The following NYAP2 variants were observed in gnomAD, a reference collection of about 807,000 sequenced individuals.
NYAP2 encodes the protein neuronal tyrosine-phosphorylated phosphoinositide-3-kinase adaptor 2, also known as neuronal tyrosine-phosphorylated phosphoinositide-3-kinase adapter 2.
In NYAP2, 23 loss-of-function variants were observed where a neutral mutation model predicts 50.4. The observed-to-expected ratio is 0.46, with a 90% confidence interval of 0.33 to 0.65. NYAP2 has a LOEUF of 0.65. NYAP2 is among the 30% of genes least tolerant of loss of function. The pLI is 0.02. For synonymous variants in NYAP2, 394 were observed against 365.2 expected, an observed-to-expected ratio of 1.08 and a Z score of -0.90; for missense variants, 885 against 861.0, an observed-to-expected ratio of 1.03 and a Z score of -0.35.
chr2:225,654,239 A>AGGAGTT (rs1693787960), downstream of NYAP2, among the ~76,000 whole-genome samples: 3 of 152,164 alleles, frequency 2.0e-5, no homozygotes, highest in African/African-American at 7.2e-5. Flanking sequence ...GGGAACACCT[A>AGGAGTT]GCACTATCAA....
rs546672646 is a variant in NYAP2 at position 225,586,707 on chromosome 2, G to A, written c.1618+3672G>A. ...TTGATTTGATTTTTTAGAAGATGTA[G>A]GTCACAAATGGGCCATTTCATTTTA... On this transcript the variant is annotated intron_variant, in intron 5 of 6. Coordinates refer to ENST00000636099, the Ensembl canonical transcript of NYAP2. Among the ~76,000 whole-genome samples, 135 of 152,138 alleles carry A rather than the reference G, an allele frequency of 8.9e-4. 2 individuals carry two copies. The South Asian group carries it at 0.026, about 29-fold the overall frequency.
At chr2:225,670,996 G>GTTTTT in the NYAP2 span, among the ~76,000 whole-genome samples, 3 of 152,130 alleles carry the variant, frequency 2.0e-5, no homozygotes, top group Non-Finnish European at 4.4e-5. Context: ...CAAGTCCTAT[G>GTTTTT]TTTTTGCCAG....
chr2:225,507,198 G>T (rs1690722676), intron 3 of NYAP2, among the ~76,000 whole-genome samples: 1 of 151,958 alleles, frequency 6.6e-6, no homozygotes, highest in Admixed American at 6.6e-5. Flanking sequence ...ATCTGGGGTG[G>T]GATTATATTT....
intron 3 of NYAP2, among the ~76,000 whole-genome samples, chr2:225,439,374 G>A (rs547990313): frequency 4.1e-4 from 63 of 152,314 alleles, no homozygotes; most frequent in African/African-American, 1.4e-3. Context: ...GTAGTAGAAC[G>A]TGAGTAAGAG....
At chr2:225,655,885 T>TACACACACACACAC (rs372646871), downstream of NYAP2, among the ~76,000 whole-genome samples, 2,136 of 121,106 alleles carry the variant, frequency 0.018, 68 homozygotes, top group Middle Eastern at 0.039. Flanking sequence ...CAACCTCCAC[T>TACACACACACACAC]ACACACACAC....
At chr2:225,552,161 A>G (rs769435794) in intron 4 of NYAP2, among the ~76,000 whole-genome samples, 1 of 152,052 alleles carries the variant, frequency 6.6e-6, no homozygotes, top group Non-Finnish European at 1.5e-5. Context: ...TCATTTGTCC[A>G]ATTTCATGGA....
At chr2:225,599,800 A>G (rs1692665383) in intron 5 of NYAP2, among the ~76,000 whole-genome samples, 1 of 152,264 alleles carries the variant, frequency 6.6e-6, no homozygotes, top group Non-Finnish European at 1.5e-5. Flanking sequence ...GATCTGTGTT[A>G]CTGCTTCATA....
chr2:225,550,034 AG>A (rs1467743653), intron 4 of NYAP2, among the ~76,000 whole-genome samples: 1 of 152,060 alleles, frequency 6.6e-6, no homozygotes, highest in Non-Finnish European at 1.5e-5. Flanking sequence ...AGAAAAAAAA[AG>A]AAAACAATCC....
intron 4 of NYAP2, among the ~76,000 whole-genome samples, chr2:225,538,759 TTTC>T (rs1339730252): frequency 2.9e-5 from 3 of 104,010 alleles, no homozygotes; most frequent in Non-Finnish European, 4.0e-5. Flanking sequence ...GAGATTTTCT[TTTC>T]TTTTCTTTTC....
At chr2:225,545,841 C>A (rs1332643439) in intron 4 of NYAP2, among the ~76,000 whole-genome samples, 1 of 152,208 alleles carries the variant, frequency 6.6e-6, no homozygotes, top group East Asian at 1.9e-4. Context: ...ATTGGAAAGA[C>A]TTTCTAGGTA....
intron 4 of NYAP2, among the ~76,000 whole-genome samples, chr2:225,570,384 C>T (rs976769908): frequency 2.0e-5 from 3 of 152,154 alleles, no homozygotes; most frequent in African/African-American, 7.2e-5. Context: ...TGTCCATTCT[C>T]ACACCACTAT....
the NYAP2 span, among the ~76,000 whole-genome samples, chr2:225,660,639 A>G: frequency 1.3e-5 from 2 of 152,104 alleles, no homozygotes; most frequent in South Asian, 2.1e-4. Flanking sequence ...AGGTGGATAC[A>G]TGGCGCCACC....
chr2:225,465,119 TCCTTA>T (rs938405767), intron 3 of NYAP2, among the ~76,000 whole-genome samples: 1 of 152,174 alleles, frequency 6.6e-6, no homozygotes, highest in Non-Finnish European at 1.5e-5. Flanking sequence ...ATAGCAAATT[TCCTTA>T]GGTTCCCCAT....
At chr2:225,677,590 G>A in the NYAP2 span, among the ~76,000 whole-genome samples, 1 of 151,990 alleles carries the variant, frequency 6.6e-6, no homozygotes, top group Non-Finnish European at 1.5e-5. Context: ...TTCCTGCAAT[G>A]CTTAATCTGT....
chr2:225,690,291 T>C, the NYAP2 span, among the ~76,000 whole-genome samples: 219 of 152,240 alleles, frequency 1.4e-3, 1 homozygote, highest in African/African-American at 5.0e-3. Context: ...TTCTCTGTGA[T>C]GATCATTTGA....
chr2:225,679,727 T>A, the NYAP2 span, among the ~76,000 whole-genome samples: 1 of 152,034 alleles, frequency 6.6e-6, no homozygotes, highest in African/African-American at 2.4e-5. Context: ...TCTCCTGACC[T>A]TGTGATCTGC....
At chr2:225,522,304 A>G (rs917296076) in intron 4 of NYAP2, among the ~76,000 whole-genome samples, 2 of 152,126 alleles carry the variant, frequency 1.3e-5, no homozygotes, top group Non-Finnish European at 2.9e-5. Flanking sequence ...TTTATTATAT[A>G]ATTTCATGAC....
intron 3 of NYAP2, among the ~76,000 whole-genome samples, chr2:225,442,134 A>C (rs950189280): frequency 3.9e-5 from 6 of 152,256 alleles, no homozygotes; most frequent in African/African-American, 1.4e-4. Flanking sequence ...TCAAATAATC[A>C]GCAGGTCTTG....
chr2:225,696,523 T>C, the NYAP2 span, among the ~76,000 whole-genome samples: 28 of 152,074 alleles, frequency 1.8e-4, no homozygotes, highest in African/African-American at 6.3e-4. Flanking sequence ...ATTTGACACA[T>C]CAGGATTTAA....
Sources: allele counts gnomAD v4.1 joint callset (sites outside exome capture counted in the v4.1 genomes callset), GRCh38; gene constraint gnomAD v4.1.1; transcripts MANE v1.5; gene names NCBI Gene and HGNC (gene_info 2026-07-23, HGNC 2026-07-21).